Variants in ZIC4 observed in about 807,000 individuals in gnomAD.
ZIC4 encodes the protein Zic family zinc finger 4.
Under a neutral mutation model 28.8 loss-of-function variants are expected in ZIC4, and 15 were observed. That is an observed-to-expected ratio of 0.52 (90% CI 0.35 to 0.80). ZIC4 has a LOEUF of 0.80. Among genes scored for constraint, ZIC4 ranks in the 30% least tolerant of loss-of-function variants. The pLI is 0.01. For missense variants in ZIC4, 512 were observed against 467.1 expected (o/e 1.10, Z -0.89); for synonymous variants, 220 against 198.1 (o/e 1.11, Z -0.93).
intron 1 of ZIC4, chr3:147,405,281 T>A: frequency 8.0e-7 from 1 of 1,248,668 alleles, no homozygotes; most frequent in Non-Finnish European, 1.1e-6. Flanking sequence ...TCCCCCAACC[T>A]GCAGGCGGCT....
intron 2 of ZIC4, among the ~76,000 whole-genome samples, chr3:147,399,874 C>T (rs946184740): frequency 6.6e-6 from 1 of 152,094 alleles, no homozygotes; most frequent in Non-Finnish European, 1.5e-5. Context: ...CCATGTTAGC[C>T]AGGCTGGTCT....
chr3:147,405,587 C>A, intron 1 of ZIC4: 1 of 1,093,258 alleles, frequency 9.1e-7, no homozygotes, highest in East Asian at 2.6e-5. Flanking sequence ...AGGCTAGGGG[C>A]CAGAATCCTA....
At chr3:147,392,445 G>A (rs1205036311) in intron 3 of ZIC4, 9 of 985,334 alleles carry the variant, frequency 9.1e-6, no homozygotes, top group African/African-American at 1.7e-5. Flanking sequence ...TCGCTGACGT[G>A]TAGGAGAGGA....
rs184133805 is a variant in ZIC4, at chr3:147,404,083, T to G, written c.-15-1271A>C. 1.9e-4 allele frequency: 294 copies of G among 1,536,996 alleles called. 1 individual carries two copies. The highest frequency in any genetic ancestry group is 1.5e-3 in the Middle Eastern group (9 of 5,990). On this transcript the variant is annotated intron_variant, in intron 1 of 4. Coordinates refer to ENST00000383075, the MANE Select transcript of ZIC4 (RefSeq NM_032153.6). The stretch of plus-strand genomic sequence containing the variant: ...GAAAGGAGGCCTAACTTTGCATTCC[T>G]ACAGAAGGGCGGCATGCTGGGCGTC...
rs902610305 is a variant in ZIC4, at chr3:147,406,391, C to T, written c.-44G>A. On this transcript the variant is annotated 5_prime_UTR_variant, in exon 1 of 5. An upstream start codon of the reference 5' UTR is lost. Transcript: ENST00000383075. ...ACTCCACCTGTTGCCAGGATCGCCT[C>T]ATTTCTGCACATCATTTCGGGGTGG... 3 of 152,604 alleles carry T rather than the reference C, an allele frequency of 2.0e-5. No homozygotes were observed. Among genetic ancestry groups the T allele is most frequent in the African/African-American group, 7.2e-5 (3 of 41,456 alleles). The allele number at this position is 152,604 out of a possible 1,614,324, so 9.5% of individuals were successfully genotyped here. A position where few individuals can be genotyped will look rare whatever the true frequency, so the allele number is the denominator to read the frequency against.
At chr3:147,404,128 A>G (rs2087224903) in intron 1 of ZIC4, 2 of 1,533,252 alleles carry the variant, frequency 1.3e-6, no homozygotes, top group African/African-American at 1.4e-5. Context: ...AAATTTCCTC[A>G]TGGCAGGATG....
chr3:147,391,512 C>T, intron 3 of ZIC4: 1 of 369,998 alleles, frequency 2.7e-6, no homozygotes, highest in Non-Finnish European at 4.8e-6. Flanking sequence ...GTGACTCCAT[C>T]TTAGTCGAGT....
chr3:147,401,303 A>G (rs2087161076), intron 2 of ZIC4, among the ~76,000 whole-genome samples: 1 of 152,216 alleles, frequency 6.6e-6, no homozygotes, highest in Admixed American at 6.5e-5. Context: ...TTGGAAAGAA[A>G]AAAAAATGGA....
In ZIC4 at chr3:147,396,146, A is replaced by T. The variant is rs1301760739; in HGVS notation, c.394T>A (p.Trp132Arg). The change falls in exon 3 of 5, where the codon TGG (tryptophan) becomes AGG (arginine). Residue 132 changes from tryptophan (W) to arginine (R), a missense_variant. Transcript: ENST00000383075. The surrounding 1 kb of genome is among the most constrained non-coding windows in gnomAD (Gnocchi z 4.2). ...QPIKQELICK[W>R]LAADGTATPS... ...GTCGCGGTGCCGTCGGCCGCCAGCC[A>T]CTTGCAGATGAGCTCCTGTTTGATG... 1 of 1,613,992 alleles carries T rather than the reference A, an allele frequency of 6.2e-7. No homozygotes were observed.
At chr3:147,401,013 A>T (rs2087155910) in intron 2 of ZIC4, among the ~76,000 whole-genome samples, 1 of 152,166 alleles carries the variant, frequency 6.6e-6, no homozygotes, top group African/African-American at 2.4e-5. Flanking sequence ...CAACCCACAG[A>T]TCTTTAGCAC....
intron 1 of ZIC4, chr3:147,404,052 A>G: frequency 2.0e-6 from 3 of 1,537,224 alleles, no homozygotes; most frequent in Non-Finnish European, 2.6e-6. Context: ...AGCACAAATC[A>G]GGAAAGAAAG....
At chr3:147,404,253 A>T in intron 1 of ZIC4, 2 of 1,437,070 alleles carry the variant, frequency 1.4e-6, no homozygotes, top group Non-Finnish European at 1.8e-6. Flanking sequence ...GGCAGCCCCA[A>T]CCCAACTTCT....
intron 2 of ZIC4, among the ~76,000 whole-genome samples, chr3:147,397,866 C>T (rs1407957923): frequency 6.6e-6 from 1 of 152,150 alleles, no homozygotes; most frequent in African/African-American, 2.4e-5. Context: ...TTCCCCAAAA[C>T]GTCTACCTCA....
rs538131290 is a variant in ZIC4, at chr3:147,392,401, G to A, written c.689-1155C>T. The A allele has an allele frequency of 1.1e-4, 113 of 985,494 alleles. No homozygotes were observed. The African/African-American group carries it at 1.7e-3, about 15-fold the overall frequency. 61.0% of individuals were successfully genotyped at this position (985,494 alleles called of 1,614,324 possible). Reference sequence around the variant, plus strand: ...TTAGAGTGACAATATTGGCCGGACCGAGCCCCAATCGGGGAGCTCACGGCC... The same window carrying A: ...TTAGAGTGACAATATTGGCCGGACCAAGCCCCAATCGGGGAGCTCACGGCC... On this transcript the variant is annotated intron_variant, in intron 3 of 4. Coordinates refer to ENST00000383075, the MANE Select transcript of ZIC4 (RefSeq NM_032153.6).
At chr3:147,405,571 G>C in intron 1 of ZIC4, 1 of 1,268,034 alleles carries the variant, frequency 7.9e-7, no homozygotes, top group Non-Finnish European at 1.1e-6. Flanking sequence ...CAATGCCCCT[G>C]GGTCTAGGCT....
intron 2 of ZIC4, among the ~76,000 whole-genome samples, chr3:147,397,719 C>G (rs899597525): frequency 6.6e-6 from 1 of 152,094 alleles, no homozygotes; most frequent in Non-Finnish European, 1.5e-5. Flanking sequence ...ATCGAAGGAC[C>G]GAAGGAGGTT....
chr3:147,399,166 C>T (rs1167449920), intron 2 of ZIC4, among the ~76,000 whole-genome samples: 1 of 152,156 alleles, frequency 6.6e-6, no homozygotes, highest in Non-Finnish European at 1.5e-5. Context: ...GGCTTCCACA[C>T]AGCAGTTTTG....
Position 147,402,812 on chromosome 3 carries a change from C to A in ZIC4, c.-15G>T. 1 of 1,613,174 alleles carries A rather than the reference C, an allele frequency of 6.2e-7. No individual in the cohort carries two copies. Among genetic ancestry groups the A allele is most frequent in the South Asian group, 1.1e-5 (1 of 90,934 alleles). ...TTGTATCTCATTTTCTGACTTTGAG[C>A]CTGTTTGGGAAGAAAAGAGTGACAG... is the stretch of plus-strand genomic sequence containing the variant. On this transcript the variant is annotated splice_region_variant and 5_prime_UTR_variant, in exon 2 of 5. Transcript: ENST00000383075.
At chr3:147,390,160 G>A (rs995913504) in intron 4 of ZIC4, among the ~76,000 whole-genome samples, 3 of 152,170 alleles carry the variant, frequency 2.0e-5, no homozygotes, top group African/African-American at 7.2e-5. Context: ...CATAGGGGTG[G>A]AAGCGTCTAA....
Sources: gnomAD v4.1 joint callset for allele counts (sites outside exome capture counted in the v4.1 genomes callset) on GRCh38, gnomAD v4.1.1 for gene constraint, Gnocchi (gnomAD v3.1) non-coding constraint, MANE v1.5 for transcripts, NCBI Gene and HGNC (gene_info 2026-07-23, HGNC 2026-07-21) for gene names.